UNC5D: variants seen among roughly 807,000 people sequenced by gnomAD.
UNC5D encodes the protein netrin receptor UNC5D.
A neutral mutation model predicts 105.4 loss-of-function variants in UNC5D; 39 were observed. The observed-to-expected ratio is 0.37, with a 90% CI of 0.29 to 0.48. The LOEUF (loss-of-function observed/expected upper bound fraction) is 0.48. Among genes scored for constraint, UNC5D ranks in the 20% least tolerant of loss-of-function variants. The probability of loss-of-function intolerance (pLI) is 0.98; values close to 1 mark genes in which losing one functional copy is unlikely to be tolerated. For missense variants in UNC5D, 991 were observed against 1,202.4 expected, an observed-to-expected ratio of 0.82 and a Z score of 2.60; for synonymous variants, 452 against 450.4, an observed-to-expected ratio of 1.00 and a Z score of -0.04.
Position 35,722,392 on chromosome 8 carries a change from C to G in UNC5D, c.1300C>G (p.Gln434Glu). 1.2e-6 allele frequency: 2 copies of G among 1,613,322 alleles called. No individual in the cohort carries two copies. The highest frequency in any genetic ancestry group is 1.7e-6 in the Non-Finnish European group (2 of 1,179,738). The part of the protein sequence containing the change: ...FQTFNFKTVR[Q>E]GNSLLLNSAM... ...GACCTTCAACTTCAAAACAGTCCGT[C>G]AAGGTCAGCGGCATAGGTCCCTCCA... The change falls in exon 9 of 17, where the codon CAA becomes GAA. Residue 434 changes from glutamine (Q) to glutamate (E), a missense_variant. Transcript: ENST00000404895.
At chr8:35,401,462 C>A (rs1182882997) in intron 1 of UNC5D, among the ~76,000 whole-genome samples, 1 of 152,158 alleles carries the variant, frequency 6.6e-6, no homozygotes, top group Admixed American at 6.5e-5. Context: ...CCAGCCTGGA[C>A]AACAGAGCAG....
chr8:35,765,032 T>C (rs1563745402), intron 14 of UNC5D, among the ~76,000 whole-genome samples: 1 of 152,174 alleles, frequency 6.6e-6, no homozygotes, highest in Non-Finnish European at 1.5e-5. Flanking sequence ...ACCAGTCAGG[T>C]CAGGAATTTC....
chr8:35,416,504 CA>C (rs1805543655), intron 1 of UNC5D, among the ~76,000 whole-genome samples: 1 of 151,918 alleles, frequency 6.6e-6, no homozygotes, highest in Admixed American at 6.6e-5. Flanking sequence ...ATGTAAATAT[CA>C]AAAAATGGTT....
At chr8:35,700,987 A>G (rs1344950592) in intron 7 of UNC5D, among the ~76,000 whole-genome samples, 1 of 152,218 alleles carries the variant, frequency 6.6e-6, no homozygotes, top group Admixed American at 6.5e-5. Context: ...GTTAAAATAC[A>G]AAACAGTTAA....
At chr8:35,692,395 G>A (rs1045625584) in intron 7 of UNC5D, among the ~76,000 whole-genome samples, 1 of 152,192 alleles carries the variant, frequency 6.6e-6, no homozygotes, top group African/African-American at 2.4e-5. Context: ...ATCCATTACA[G>A]TAATTACCTG....
chr8:35,393,300 A>AT (rs1364111344), intron 1 of UNC5D, among the ~76,000 whole-genome samples: 1 of 150,470 alleles, frequency 6.6e-6, no homozygotes, highest in African/African-American at 2.4e-5. Context: ...CGCCCGGCTA[A>AT]TTTTTTGTAT....
chr8:35,441,786 G>A (rs1006355735), intron 1 of UNC5D, among the ~76,000 whole-genome samples: 18 of 151,074 alleles, frequency 1.2e-4, no homozygotes, highest in African/African-American at 4.1e-4. Flanking sequence ...GATCTTACTT[G>A]GGAGGAACGA....
chr8:35,518,609 T>A (rs1055461874), intron 1 of UNC5D, among the ~76,000 whole-genome samples: 1 of 152,196 alleles, frequency 6.6e-6, no homozygotes, highest in African/African-American at 2.4e-5. Flanking sequence ...GATTTCAGTT[T>A]TTCTCTGGAA....
intron 1 of UNC5D, among the ~76,000 whole-genome samples, chr8:35,349,754 A>G (rs558122330): frequency 1.3e-5 from 2 of 152,020 alleles, no homozygotes; most frequent in Admixed American, 1.3e-4. Flanking sequence ...CTGTACTTCA[A>G]TATGCTGCAG....
chr8:35,493,958 T>C (rs1341357661), intron 1 of UNC5D, among the ~76,000 whole-genome samples: 4 of 152,164 alleles, frequency 2.6e-5, no homozygotes, highest in Admixed American at 2.6e-4. Flanking sequence ...AGTTATTTTG[T>C]TTTAAAATAA....
At chr8:35,277,400 A>G (rs563482636) in intron 1 of UNC5D, among the ~76,000 whole-genome samples, 146 of 152,208 alleles carry the variant, frequency 9.6e-4, no homozygotes, top group Non-Finnish European at 1.7e-3. Flanking sequence ...AGAGTTTTTG[A>G]TTACATTTCT....
intron 4 of UNC5D, among the ~76,000 whole-genome samples, chr8:35,672,170 A>G (rs893828438): frequency 1.3e-5 from 2 of 152,190 alleles, no homozygotes; most frequent in African/African-American, 2.4e-5. Context: ...CCATTTATGT[A>G]TGAACATTTG....
chr8:35,277,805 T>C (rs116948698), intron 1 of UNC5D, among the ~76,000 whole-genome samples: 1,624 of 152,324 alleles, frequency 0.011, 10 homozygotes, highest in Non-Finnish European at 0.018. Context: ...TCACTTTGCT[T>C]CTTCAAAATT....
At chr8:35,682,758 C>G (rs1412037080) in intron 4 of UNC5D, among the ~76,000 whole-genome samples, 1 of 152,082 alleles carries the variant, frequency 6.6e-6, no homozygotes, top group East Asian at 1.9e-4. Flanking sequence ...GAAGTTTGGA[C>G]CAAGGATAGG....
At chr8:35,246,919 C>T (rs1227604827) in intron 1 of UNC5D, among the ~76,000 whole-genome samples, 9 of 151,878 alleles carry the variant, frequency 5.9e-5, no homozygotes, top group African/African-American at 1.9e-4. Context: ...TTCCCATTTG[C>T]AAAGAAAAAC....
Position 35,748,566 on chromosome 8 carries a change from AG to A in UNC5D, c.1807del (p.Val603SerfsTer8). On this transcript the variant is annotated frameshift_variant, in exon 12 of 17. Transcript: ENST00000404895. LOFTEE classifies it high-confidence loss of function. ...DGSEVLLSPE[V>X]TCGPPDMIVT... is the part of the protein sequence containing the mutation. ...GCTCTGAGGTGCTCCTGAGTCCTGA[AG>A]TCACCTGTGGTCCTCCAGACATGAT... 1 of 1,614,084 alleles carries A rather than the reference AG, an allele frequency of 6.2e-7. No homozygotes were observed. Among genetic ancestry groups the A allele is most frequent in the Non-Finnish European group, 8.5e-7 (1 of 1,179,950 alleles).
At chr8:35,571,289 T>C (rs1817701705) in intron 3 of UNC5D, among the ~76,000 whole-genome samples, 1 of 152,238 alleles carries the variant, frequency 6.6e-6, no homozygotes, top group African/African-American at 2.4e-5. Flanking sequence ...GTAATAAAGA[T>C]GTGATTTCTA....
At chr8:35,438,385 T>C (rs1391102263) in intron 1 of UNC5D, among the ~76,000 whole-genome samples, 1 of 152,072 alleles carries the variant, frequency 6.6e-6, no homozygotes, top group East Asian at 1.9e-4. Flanking sequence ...GGTGCCTCAG[T>C]GGTGCACAGG....
At chr8:35,766,524 C>T (rs951200071) in intron 14 of UNC5D, among the ~76,000 whole-genome samples, 3 of 152,094 alleles carry the variant, frequency 2.0e-5, no homozygotes, top group Non-Finnish European at 2.9e-5. Flanking sequence ...TACCCCAGAC[C>T]GAAGTAGAAG....
Sources: allele counts gnomAD v4.1 joint callset (sites outside exome capture counted in the v4.1 genomes callset), GRCh38; gene constraint gnomAD v4.1.1; transcripts MANE v1.5; gene names NCBI Gene and HGNC (gene_info 2026-07-23, HGNC 2026-07-21).